Variants in WWOX observed in about 807,000 individuals in gnomAD.
WWOX encodes WW domain-containing oxidoreductase.
WWOX carries 69 observed loss-of-function variants against 46.2 expected under a neutral mutation model. The observed-to-expected ratio is 1.49, with a 90% confidence interval of 1.23 to 1.82. WWOX has a LOEUF of 1.82. WWOX is among the 40% of genes most tolerant of loss of function. The pLI is 0.00. For synonymous variants in WWOX, 359 were observed against 202.6 expected (o/e 1.77, Z -6.56); for missense variants, 919 against 542.6 (o/e 1.69, Z -6.89).
In WWOX at chr16:79,182,049, C is replaced by T. The variant is rs531864956; in HGVS notation, c.1057-29559C>T. ...CAGGTTATCGTGTGCTGAAGGGTAC[C>T]GCAGGGGAACCTTCCAACATCCCCA... On this transcript the variant is annotated intron_variant, in intron 8 of 8. Transcript: ENST00000566780. 3.0e-4 allele frequency among the ~76,000 whole-genome samples: 45 copies of T among 150,922 alleles called. 1 individual carries two copies. The highest frequency in any genetic ancestry group is 3.4e-3 in the Middle Eastern group (1 of 294).
intron 8 of WWOX, among the ~76,000 whole-genome samples, chr16:79,194,316 A>G (rs1030789252): frequency 6.6e-6 from 1 of 152,148 alleles, no homozygotes; most frequent in African/African-American, 2.4e-5. Context: ...TCATTCATTC[A>G]TCCTTTTAGA....
At chr16:78,211,406 C>T (rs1377467588) in intron 5 of WWOX, among the ~76,000 whole-genome samples, 1 of 152,086 alleles carries the variant, frequency 6.6e-6, no homozygotes, top group African/African-American at 2.4e-5. Context: ...GAGCACTGAT[C>T]TTGTCAGGTT....
chr16:78,629,536 C>G (rs1314186805), intron 8 of WWOX, among the ~76,000 whole-genome samples: 1 of 152,206 alleles, frequency 6.6e-6, no homozygotes, highest in Non-Finnish European at 1.5e-5. Flanking sequence ...CTCACCATAT[C>G]CCTTAGGATA....
chr16:78,382,291 G>C (rs1255850431), intron 5 of WWOX, among the ~76,000 whole-genome samples: 4 of 152,202 alleles, frequency 2.6e-5, no homozygotes, highest in African/African-American at 7.2e-5. Context: ...AGCAACACCA[G>C]TCACTATTAA....
At position 78,638,395 on chromosome 16, in the gene WWOX, G is replaced by C. The variant is rs1210907601; in HGVS notation, c.1056+205643G>C. Among the ~76,000 whole-genome samples the C allele has an allele frequency of 2.0e-5, 3 of 152,034 alleles. No homozygotes were observed. In the South Asian group the frequency reaches 6.2e-4, roughly 32 times the overall value. ...GTCCTTTCCCCCTCTGGCTGGGTCT[G>C]CCTTTCCAACCGCTACCACCTTCCA... On this transcript the variant is annotated intron_variant, in intron 8 of 8. Transcript: ENST00000566780.
intron 8 of WWOX, among the ~76,000 whole-genome samples, chr16:78,497,924 T>G (rs9940348): frequency 6.6e-6 from 1 of 151,180 alleles, no homozygotes; most frequent in African/African-American, 2.4e-5. Context: ...ATCAGGGGGC[T>G]GGGAGCAGTA....
intron 8 of WWOX, among the ~76,000 whole-genome samples, chr16:78,871,911 C>A (rs141120524): frequency 6.6e-6 from 1 of 152,172 alleles, no homozygotes; most frequent in Admixed American, 6.5e-5. Context: ...CCCTGGGCCC[C>A]TCCTTTCTGG....
chr16:78,107,148 A>G (rs2032197123), intron 1 of WWOX, among the ~76,000 whole-genome samples: 1 of 152,244 alleles, frequency 6.6e-6, no homozygotes, highest in African/African-American at 2.4e-5. Flanking sequence ...ATTAAATAAT[A>G]TAACTTTCTG....
intron 8 of WWOX, among the ~76,000 whole-genome samples, chr16:78,604,495 A>AGG (rs1390811137): frequency 2.3e-4 from 35 of 152,158 alleles, no homozygotes; most frequent in Non-Finnish European, 4.7e-4. Flanking sequence ...TCTGTGACAA[A>AGG]ACTTTCACCA....
At chr16:78,151,595 T>G (rs1352694693) in intron 4 of WWOX, among the ~76,000 whole-genome samples, 2 of 152,234 alleles carry the variant, frequency 1.3e-5, no homozygotes, top group African/African-American at 2.4e-5. Context: ...ATACCTTGTT[T>G]GGAATAGGAA....
intron 8 of WWOX, among the ~76,000 whole-genome samples, chr16:78,542,463 T>C (rs1567632822): frequency 6.6e-6 from 1 of 152,086 alleles, no homozygotes; most frequent in African/African-American, 2.4e-5. Context: ...CCCAGATTTT[T>C]TTTGTTTTTG....
At chr16:78,259,011 A>G (rs959959124) in intron 5 of WWOX, among the ~76,000 whole-genome samples, 1 of 152,214 alleles carries the variant, frequency 6.6e-6, no homozygotes, top group Non-Finnish European at 1.5e-5. Context: ...CAGACGTGCC[A>G]AAAATAAGAA....
intron 5 of WWOX, among the ~76,000 whole-genome samples, chr16:78,354,763 A>G (rs2081250783): frequency 6.6e-6 from 1 of 151,940 alleles, no homozygotes; most frequent in South Asian, 2.1e-4. Context: ...TCTATTTTTC[A>G]TGTTTTTGGG....
intron 8 of WWOX, among the ~76,000 whole-genome samples, chr16:78,962,317 TTTTTTTTTTAAA>T (rs1220539205): frequency 1.1e-5 from 1 of 93,840 alleles, no homozygotes; most frequent in East Asian, 4.1e-4. Flanking sequence ...TTTTTTTTTT[TTTTTTTTTTAAA>T]AAAAAAAAAA....
At chr16:78,945,048 C>T (rs781386244) in intron 8 of WWOX, among the ~76,000 whole-genome samples, 8 of 151,978 alleles carry the variant, frequency 5.3e-5, no homozygotes, top group South Asian at 2.1e-4. Flanking sequence ...GGCATGGTGG[C>T]GTACACCTGT....
rs533338210 is a variant in WWOX at position 78,375,819 on chromosome 16, A to G, written c.517-11041A>G. On this transcript the variant is annotated intron_variant, in intron 5 of 8. Coordinates refer to ENST00000566780, the MANE Select transcript of WWOX (RefSeq NM_016373.4). ...AAAATTGGAAACAACATAAAATAAT[A>G]TTACCGGAGAAACAATGAGTAACAT... Among the ~76,000 whole-genome samples, 3 of 151,732 alleles carry G rather than the reference A, an allele frequency of 2.0e-5. No homozygotes were observed. The South Asian group carries it at 6.3e-4, about 32-fold the overall frequency.
intron 8 of WWOX, among the ~76,000 whole-genome samples, chr16:78,994,036 T>C (rs1277799139): frequency 2.6e-5 from 4 of 152,196 alleles, no homozygotes; most frequent in South Asian, 2.1e-4. Flanking sequence ...CTGTCCTAAA[T>C]GTTCTTTGAC....
chr16:78,111,324 C>T (rs995353487), intron 3 of WWOX, among the ~76,000 whole-genome samples: 6 of 152,166 alleles, frequency 3.9e-5, no homozygotes, highest in African/African-American at 7.2e-5. Flanking sequence ...GGACAATTAT[C>T]AATCATTACT....
At chr16:78,691,172 T>C in intron 8 of WWOX, 1 of 696,918 alleles carries the variant, frequency 1.4e-6, no homozygotes, top group Non-Finnish European at 2.6e-6. Flanking sequence ...CCAGTGTTTG[T>C]GCGATAAGAG....
Sources: allele counts gnomAD v4.1 joint callset (sites outside exome capture counted in the v4.1 genomes callset), GRCh38; gene constraint gnomAD v4.1.1; transcripts MANE v1.5; gene names NCBI Gene and HGNC (gene_info 2026-07-23, HGNC 2026-07-21).